LRP1B: variants seen among roughly 807,000 people sequenced by gnomAD.
LRP1B encodes low-density lipoprotein receptor-related protein 1B.
LRP1B carries 217 observed loss-of-function variants against 556.6 expected under a neutral mutation model. That is an observed-to-expected ratio of 0.39 (90% confidence interval 0.35 to 0.44). The LOEUF is 0.44. Among genes scored for constraint, LRP1B ranks in the 20% least tolerant of loss-of-function variants. The pLI, the probability that LRP1B is intolerant of heterozygous loss-of-function variation, is 1.00. For missense variants in LRP1B, 5,053 were observed against 5,620.8 expected (o/e 0.90, Z 3.23); for synonymous variants, 2,047 against 1,865.8 (o/e 1.10, Z -2.50).
chr2:140,254,847 G>A (rs971425434), intron 86 of LRP1B, among the ~76,000 whole-genome samples: 6 of 152,092 alleles, frequency 3.9e-5, no homozygotes, highest in Non-Finnish European at 5.9e-5. Flanking sequence ...CCACCCCACC[G>A]TGCCTGGCCC....
chr2:140,678,574 C>T (rs1363009655), intron 41 of LRP1B, among the ~76,000 whole-genome samples: 1 of 152,138 alleles, frequency 6.6e-6, no homozygotes, highest in East Asian at 1.9e-4. Context: ...ACCAATTCAA[C>T]CTACATATTT....
chr2:142,078,461 T>C lies in LRP1B; in HGVS notation c.82+52187A>G, dbSNP rs558518857. Among the ~76,000 whole-genome samples the C allele has an allele frequency of 1.4e-4, 21 of 152,278 alleles. 1 individual carries two copies. The South Asian group carries it at 1.5e-3, about 11-fold the overall frequency. On this transcript the variant is annotated intron_variant, in intron 1 of 90. Coordinates refer to ENST00000389484, the MANE Select transcript of LRP1B (RefSeq NM_018557.3). Reference sequence around the variant, plus strand: ...CAATTGTACAGTATGCTGTTGATACTATCATCTGTATTAGATTTGAGGTCA... The same window carrying C: ...CAATTGTACAGTATGCTGTTGATACCATCATCTGTATTAGATTTGAGGTCA...
intron 1 of LRP1B, among the ~76,000 whole-genome samples, chr2:142,085,648 C>T (rs1705888316): frequency 1.3e-5 from 2 of 151,740 alleles, no homozygotes; most frequent in African/African-American, 4.8e-5. Flanking sequence ...TAGAAATGTC[C>T]ATCTTCGTGT....
chr2:141,544,407 T>TCCG (rs1685475785), intron 2 of LRP1B, among the ~76,000 whole-genome samples: 1 of 108,144 alleles, frequency 9.2e-6, no homozygotes, highest in Admixed American at 9.6e-5. Context: ...CTCCTCCTCC[T>TCCG]CCTCCTTCTC....
intron 1 of LRP1B, among the ~76,000 whole-genome samples, chr2:141,966,578 A>AT (rs1258208712): frequency 5.3e-5 from 8 of 150,336 alleles, no homozygotes; most frequent in Admixed American, 2.7e-4. Context: ...TCAACATAAG[A>AT]TTTTTTTTTC....
At chr2:141,464,713 C>T (rs12465937) in intron 3 of LRP1B, among the ~76,000 whole-genome samples, 109,612 of 148,526 alleles carry the variant, frequency 0.74, 41,455 homozygotes, top group East Asian at 0.83. Context: ...ATTACAGGCA[C>T]GAGCCCCTGC....
chr2:140,257,210 C>T (rs1310354515), intron 86 of LRP1B, among the ~76,000 whole-genome samples: 1 of 152,070 alleles, frequency 6.6e-6, no homozygotes, highest in Non-Finnish European at 1.5e-5. Flanking sequence ...AAGCACAGAA[C>T]ATGAGCATAA....
At chr2:140,905,679 C>A (rs1559186248) in intron 22 of LRP1B, among the ~76,000 whole-genome samples, 1 of 152,018 alleles carries the variant, frequency 6.6e-6, no homozygotes, top group Non-Finnish European at 1.5e-5. Flanking sequence ...TGTGGAGCAG[C>A]CCCTTTAACC....
At chr2:140,694,877 A>G (rs1686371501) in intron 41 of LRP1B, among the ~76,000 whole-genome samples, 1 of 151,986 alleles carries the variant, frequency 6.6e-6, no homozygotes, top group African/African-American at 2.4e-5. Flanking sequence ...TTTTAATTAT[A>G]GTGATCATAT....
chr2:140,510,170 G>A (rs1689593032), intron 51 of LRP1B, 114 bp from the exon 52 acceptor site: 2 of 1,150,214 alleles, frequency 1.7e-6, no homozygotes, highest in African/African-American at 3.1e-5. Context: ...TTATAAGGAG[G>A]CGATTGTAGT....
chr2:140,991,048 AC>A (rs573871531), intron 16 of LRP1B, among the ~76,000 whole-genome samples: 2 of 152,234 alleles, frequency 1.3e-5, no homozygotes, highest in South Asian at 4.1e-4. Flanking sequence ...AAAAAACAAA[AC>A]AAAACAAAAA....
intron 11 of LRP1B, among the ~76,000 whole-genome samples, chr2:141,024,504 T>C (rs1880620): frequency 0.52 from 79,461 of 151,854 alleles, 21,550 homozygotes; most frequent in Non-Finnish European, 0.59. Flanking sequence ...AGATCATCAC[T>C]CTATGACATT....
At chr2:140,448,215 C>T (rs11896613) in intron 63 of LRP1B, among the ~76,000 whole-genome samples, 11,992 of 151,996 alleles carry the variant, frequency 0.079, 592 homozygotes, top group African/African-American at 0.14. Context: ...ACAATATCTG[C>T]AAAGCGCAGT....
At chr2:141,418,238 T>C (rs891194478) in intron 3 of LRP1B, among the ~76,000 whole-genome samples, 5 of 152,206 alleles carry the variant, frequency 3.3e-5, no homozygotes, top group East Asian at 1.9e-4. Flanking sequence ...GATTTTTAGT[T>C]TGATGTAATC....
At chr2:140,800,768 C>T (rs1690480339) in intron 32 of LRP1B, among the ~76,000 whole-genome samples, 1 of 152,066 alleles carries the variant, frequency 6.6e-6, no homozygotes, top group Non-Finnish European at 1.5e-5. Flanking sequence ...AAAACAGACA[C>T]AATCCAATAC....
chr2:141,786,326 T>C (rs1442656777), intron 2 of LRP1B, among the ~76,000 whole-genome samples: 2 of 151,950 alleles, frequency 1.3e-5, no homozygotes, highest in Non-Finnish European at 2.9e-5. Flanking sequence ...GCTTCTGCTA[T>C]GGGGATTATA....
chr2:141,205,086 T>G (rs1682213169), intron 6 of LRP1B, among the ~76,000 whole-genome samples: 1 of 152,220 alleles, frequency 6.6e-6, no homozygotes, highest in African/African-American at 2.4e-5. Flanking sequence ...GGTAATACAC[T>G]TGATCTCTGA....
rs774854037 is a variant in LRP1B at position 140,536,682 on chromosome 2, G to T, written c.7541C>A (p.Ser2514Ter). Residue 2514 changes from serine (S) to a stop codon, truncating the protein, a stop_gained, in exon 46 of 91, where the codon TCG (serine) becomes TAG (stop). Transcript: ENST00000389484. LOFTEE classifies it high-confidence loss of function. ...CTCACCATTTCCACATTCAAACTCC[G>T]AATAAGCGTTGCAGGAGGAATTTTT... is the stretch of plus-strand genomic sequence containing the variant. ...VTKNSSCNAY[S>*]EFECGNGECI... 21 of 1,598,158 alleles carry T rather than the reference G, an allele frequency of 1.3e-5. No individual in the cohort carries two copies. In the South Asian group the frequency reaches 1.9e-4, roughly 15 times the overall value.
intron 2 of LRP1B, among the ~76,000 whole-genome samples, chr2:141,797,711 G>A (rs1045242507): frequency 5.3e-5 from 8 of 152,052 alleles, no homozygotes; most frequent in Non-Finnish European, 8.8e-5. Context: ...AAAAAATTTT[G>A]TTGTAATTTA....
Sources: allele counts gnomAD v4.1 joint callset (sites outside exome capture counted in the v4.1 genomes callset), GRCh38; gene constraint gnomAD v4.1.1; transcripts MANE v1.5; gene names NCBI Gene and HGNC (gene_info 2026-07-23, HGNC 2026-07-21).